PYY: variants seen among roughly 807,000 people sequenced by gnomAD.
PYY encodes the protein peptide tyrosine tyrosine.
Under a neutral mutation model 10.3 loss-of-function variants are expected in PYY, and 12 were observed. The observed-to-expected ratio is 1.17, with a 90% confidence interval of 0.75 to 1.89. The LOEUF (loss-of-function observed/expected upper bound fraction) is 1.89, where lower values mean the gene tolerates loss of function less well. Ranked by LOEUF, PYY falls within the 40% of genes most tolerant of loss-of-function variation. The pLI is 0.00. For missense variants in PYY, 141 were observed against 134.0 expected, an observed-to-expected ratio of 1.05 and a Z score of -0.26; for synonymous variants, 66 against 62.0, an observed-to-expected ratio of 1.06 and a Z score of -0.30.
rs769300655 is a variant in PYY, at chr17:43,953,289, C to G, written c.188+7G>C. The G allele has an allele frequency of 2.5e-6, 4 of 1,610,868 alleles. No homozygotes were observed. The African/African-American group carries it at 5.3e-5, about 22-fold the overall frequency. On this transcript the variant is annotated splice_region_variant and intron_variant, in intron 2 of 3. Transcript: ENST00000692052. ...CCCCAGGGGTCCCGCTCCGCGCCTG[C>G]GCTCACCGCTGCCGGGTGACCAGGT...
chr17:43,983,326 C>A (rs2048895202), intron 1 of PYY, among the ~76,000 whole-genome samples: 1 of 152,186 alleles, frequency 6.6e-6, no homozygotes, highest in Non-Finnish European at 1.5e-5. Context: ...GGAGCTGATG[C>A]CCTGAGATAA....
At chr17:43,978,927 G>A (rs189622598) in intron 1 of PYY, among the ~76,000 whole-genome samples, 1 of 152,188 alleles carries the variant, frequency 6.6e-6, no homozygotes, top group African/African-American at 2.4e-5. Context: ...CCTGTAAAGT[G>A]CCCTTATCCA....
At chr17:43,954,998 G>C (rs559049360), upstream of PYY, among the ~76,000 whole-genome samples, 10 of 152,322 alleles carry the variant, frequency 6.6e-5, no homozygotes, top group African/African-American at 2.2e-4. Context: ...AACAGGAAAA[G>C]CAGGGTGAGG....
chr17:43,963,549 G>GA (rs2048727226), intron 2 of PYY, among the ~76,000 whole-genome samples: 1 of 116,828 alleles, frequency 8.6e-6, no homozygotes, highest in South Asian at 2.8e-4. Flanking sequence ...AGAAGGAAGG[G>GA]AAGGAAGGAA....
In PYY at chr17:43,976,032, G is replaced by A. The variant is rs529800176; in HGVS notation, c.-462-9500C>T. Among the ~76,000 whole-genome samples, 3 of 145,718 alleles carry A rather than the reference G, an allele frequency of 2.1e-5. 1 individual carries two copies. The highest frequency in any genetic ancestry group is 4.5e-5 in the Non-Finnish European group (3 of 66,148). ...CATACACGTGTATACGTGTATAAGCGTATACATGTATATGTATAATACGTA... is the reference window on the plus strand; with the variant it reads ...CATACACGTGTATACGTGTATAAGCATATACATGTATATGTATAATACGTA... On this transcript the variant is annotated intron_variant, in intron 1 of 6. Transcript: ENST00000360085.
chr17:43,989,989 T>C (rs185250045), intron 1 of PYY, among the ~76,000 whole-genome samples: 266 of 150,032 alleles, frequency 1.8e-3, no homozygotes, highest in African/African-American at 5.9e-3. Flanking sequence ...CATACCAACA[T>C]TGGCAACTAA....
At chr17:43,959,131 T>C (rs2048694973) in intron 2 of PYY, among the ~76,000 whole-genome samples, 1 of 152,188 alleles carries the variant, frequency 6.6e-6, no homozygotes, top group Non-Finnish European at 1.5e-5. Flanking sequence ...AAAGGGTAAT[T>C]TGAGTCAAGA....
intron 1 of PYY, among the ~76,000 whole-genome samples, chr17:43,975,348 G>C (rs2048821370): frequency 6.6e-6 from 1 of 151,908 alleles, no homozygotes; most frequent in Non-Finnish European, 1.5e-5. Context: ...AGTTTGCTTG[G>C]CCTCTCTGAG....
In PYY at chr17:43,962,474, A is replaced by T. The variant is rs368119896; in HGVS notation, c.-218+3814T>A. ...TTTTTCTTATGTGAGAATGCTTAAG[A>T]TCTACACTCTATAGTACAGTATTAT... On this transcript the variant is annotated intron_variant, in intron 2 of 6. Transcript: ENST00000360085. 1.9e-4 allele frequency among the ~76,000 whole-genome samples: 29 copies of T among 152,324 alleles called. No homozygotes were observed. In the East Asian group the frequency reaches 5.6e-3, roughly 29 times the overall value.
intron 1 of PYY, among the ~76,000 whole-genome samples, chr17:43,992,485 C>T (rs1279151042): frequency 6.6e-6 from 1 of 151,852 alleles, no homozygotes; most frequent in South Asian, 2.1e-4. Context: ...CCGAGGTGGG[C>T]GGATCACCTG....
chr17:43,971,305 C>T (rs2048791192), intron 1 of PYY, among the ~76,000 whole-genome samples: 1 of 152,104 alleles, frequency 6.6e-6, no homozygotes, highest in South Asian at 2.1e-4. Flanking sequence ...CGTGGTGGCT[C>T]ACACCTGTAA....
At chr17:43,959,917 G>C (rs1277905368) in intron 2 of PYY, among the ~76,000 whole-genome samples, 1 of 152,228 alleles carries the variant, frequency 6.6e-6, no homozygotes, top group Non-Finnish European at 1.5e-5. Flanking sequence ...GGGAGAAACA[G>C]TTCTGACCTA....
upstream of PYY, among the ~76,000 whole-genome samples, chr17:43,954,657 T>C (rs1434297304): frequency 6.6e-6 from 1 of 152,106 alleles, no homozygotes; most frequent in Non-Finnish European, 1.5e-5. Context: ...CAGACCCCAG[T>C]CCAGCCATGT....
At chr17:43,955,079 C>T (rs986743317), upstream of PYY, among the ~76,000 whole-genome samples, 3 of 152,152 alleles carry the variant, frequency 2.0e-5, no homozygotes, top group African/African-American at 7.2e-5. Context: ...GCCATTGGGG[C>T]GCCAGAGGCA....
At chr17:43,993,721 A>G (rs1269345480) in intron 1 of PYY, among the ~76,000 whole-genome samples, 3 of 152,224 alleles carry the variant, frequency 2.0e-5, no homozygotes, top group African/African-American at 7.2e-5. Flanking sequence ...AAGTGTAAAA[A>G]GAGCTTGAAA....
At chr17:43,999,021 CGA>C (rs1196421802) in intron 1 of PYY, among the ~76,000 whole-genome samples, 3 of 151,912 alleles carry the variant, frequency 2.0e-5, no homozygotes, top group African/African-American at 7.3e-5. Flanking sequence ...CACAGGATCC[CGA>C]GAGAGAGAAA....
intron 2 of PYY, among the ~76,000 whole-genome samples, chr17:43,964,587 C>T (rs1265190209): frequency 2.0e-5 from 3 of 152,186 alleles, no homozygotes; most frequent in Non-Finnish European, 4.4e-5. Flanking sequence ...CCCGTCTCTA[C>T]TAAAAATACA....
chr17:43,956,789 C>A (rs1455219009), upstream of PYY, among the ~76,000 whole-genome samples: 5 of 152,226 alleles, frequency 3.3e-5, no homozygotes, highest in African/African-American at 4.8e-5. Flanking sequence ...TGTACCCACT[C>A]CCCACACACA....
At chr17:43,972,546 T>TC (rs1159244790) in intron 1 of PYY, among the ~76,000 whole-genome samples, 1 of 149,874 alleles carries the variant, frequency 6.7e-6, no homozygotes, top group Non-Finnish European at 1.5e-5. Flanking sequence ...AACATTTTTT[T>TC]TTTTGAGACA....
Sources: allele counts gnomAD v4.1 joint callset (sites outside exome capture counted in the v4.1 genomes callset), GRCh38; gene constraint gnomAD v4.1.1; transcripts MANE v1.5; gene names NCBI Gene and HGNC (gene_info 2026-07-23, HGNC 2026-07-21).